TNS3: variants seen among roughly 807,000 people sequenced by gnomAD.
TNS3 encodes the protein tensin 3, also known as tensin-3.
TNS3 carries 45 observed loss-of-function variants against 140.9 expected under a neutral mutation model. The observed-to-expected ratio is 0.32, with a 90% CI of 0.25 to 0.41. The LOEUF is 0.41. TNS3 is among the 10% of genes least tolerant of loss of function. TNS3 has a pLI of 1.00. For synonymous variants in TNS3, 815 were observed against 788.4 expected (o/e 1.03, Z -0.56); for missense variants, 1,716 against 1,906.7 (o/e 0.90, Z 1.86).
chr7:47,388,898 A>G (rs1311396541), intron 16 of TNS3, among the ~76,000 whole-genome samples: 1 of 51,038 alleles, frequency 2.0e-5, no homozygotes, highest in African/African-American at 6.2e-5. Flanking sequence ...AGAAGAAGAA[A>G]GAAGAAGAAG....
chr7:47,308,633 C>A (rs1036534754), intron 20 of TNS3, among the ~76,000 whole-genome samples: 9 of 152,092 alleles, frequency 5.9e-5, no homozygotes, highest in Admixed American at 2.6e-4. Flanking sequence ...ACATTTTTAT[C>A]TTTTTGGGTC....
intron 8 of TNS3, among the ~76,000 whole-genome samples, chr7:47,432,719 G>A (rs1407825493): frequency 6.6e-6 from 1 of 152,234 alleles, no homozygotes; most frequent in Admixed American, 6.5e-5. Context: ...AGCCATGGAT[G>A]TACGTGAACA....
intron 16 of TNS3, among the ~76,000 whole-genome samples, chr7:47,394,206 T>A (rs922966734): frequency 1.3e-5 from 2 of 152,224 alleles, no homozygotes; most frequent in African/African-American, 4.8e-5. Flanking sequence ...AATATTTGTG[T>A]CCCCTAAGAT....
rs140799405 is a variant in TNS3, at chr7:47,389,109, C to CAGAAGAAGAAGAAGAAGAAGAAGAAGA, written c.1024+7664_1024+7690dup. 2.2e-4 allele frequency among the ~76,000 whole-genome samples: 13 copies of CAGAAGAAGAAGAAGAAGAAGAAGAAGA among 59,132 alleles called. 2 individuals carry two copies. The highest frequency in any genetic ancestry group is 8.1e-4 in the African/African-American group (12 of 14,766). The allele number at this position is 59,132 out of a possible 152,430, so 38.8% of individuals were successfully genotyped here. Reference sequence around the variant, plus strand: ...GAGGAAGAGGAAGAGGAAGCGGAAGCAGAAGAAGAAGAAGAAGAAGAAGAA... The same window carrying CAGAAGAAGAAGAAGAAGAAGAAGAAGA: ...GAGGAAGAGGAAGAGGAAGCGGAAGCAGAAGAAGAAGAAGAAGAAGAAGAAGAAGAAGAAGAAGAAGAAGAAGAAGAA... On this transcript the variant is annotated intron_variant, in intron 16 of 30. Coordinates refer to ENST00000311160, the MANE Select transcript of TNS3 (RefSeq NM_022748.12).
chr7:47,435,968 C>T (rs1452743168), intron 7 of TNS3, among the ~76,000 whole-genome samples: 1 of 152,214 alleles, frequency 6.6e-6, no homozygotes, highest in African/African-American at 2.4e-5. Context: ...CAGCTCTGAG[C>T]GTCCTGAGGC....
intron 4 of TNS3, among the ~76,000 whole-genome samples, chr7:47,469,516 G>A (rs1279118623): frequency 6.6e-6 from 1 of 152,182 alleles, no homozygotes; most frequent in East Asian, 1.9e-4. Flanking sequence ...ACTTAAAACA[G>A]AACTACCATT....
chr7:47,294,209 G>A (rs909906429), intron 24 of TNS3, among the ~76,000 whole-genome samples: 1 of 152,182 alleles, frequency 6.6e-6, no homozygotes, highest in African/African-American at 2.4e-5. Context: ...AGGTGAGAAA[G>A]GCTCAGACAC....
chr7:47,527,921 A>AC (rs1475985995), intron 2 of TNS3, among the ~76,000 whole-genome samples: 1 of 152,062 alleles, frequency 6.6e-6, no homozygotes, highest in African/African-American at 2.4e-5. Flanking sequence ...AAAAAAAAAA[A>AC]AAGTTTTGAA....
At chr7:47,279,780 T>C (rs1192946845) in intron 30 of TNS3, 2 of 246,086 alleles carry the variant, frequency 8.1e-6, no homozygotes, top group Non-Finnish European at 1.6e-5. Flanking sequence ...CTCCGTTGCA[T>C]TTGGTAAATT....
chr7:47,304,740 T>C, intron 21 of TNS3, 92 bp downstream of exon 21: 1 of 1,244,142 alleles, frequency 8.0e-7, no homozygotes, highest in Non-Finnish European at 1.0e-6. Flanking sequence ...TCAGCTTCTC[T>C]GAAGAGCAAG....
intron 20 of TNS3, among the ~76,000 whole-genome samples, chr7:47,334,839 C>A (rs1788542134): frequency 6.6e-6 from 1 of 152,104 alleles, no homozygotes; most frequent in Non-Finnish European, 1.5e-5. Context: ...TATCTCTTGA[C>A]CTCATGATCC....
At chr7:47,418,202 T>C (rs1794187483) in intron 10 of TNS3, among the ~76,000 whole-genome samples, 1 of 152,190 alleles carries the variant, frequency 6.6e-6, no homozygotes, top group Non-Finnish European at 1.5e-5. Context: ...CACAGGAAGC[T>C]GAGGCATGAG....
intron 4 of TNS3, among the ~76,000 whole-genome samples, chr7:47,469,672 G>C (rs1343171173): frequency 6.6e-6 from 1 of 152,138 alleles, no homozygotes; most frequent in Non-Finnish European, 1.5e-5. Context: ...GGGTGGACTG[G>C]ATAAAGAAAA....
At chr7:47,571,780 C>T (rs1001253516) in intron 1 of TNS3, among the ~76,000 whole-genome samples, 2 of 152,252 alleles carry the variant, frequency 1.3e-5, no homozygotes, top group African/African-American at 2.4e-5. Context: ...GTCCTGGTCA[C>T]AGACTCACAG....
intron 13 of TNS3, among the ~76,000 whole-genome samples, chr7:47,406,849 G>A (rs1405268984): frequency 2.0e-5 from 3 of 152,164 alleles, no homozygotes; most frequent in African/African-American, 4.8e-5. Context: ...CCTGCAGCAG[G>A]GCACGTCACG....
At chr7:47,331,164 G>A (rs1584416078) in intron 20 of TNS3, among the ~76,000 whole-genome samples, 1 of 152,132 alleles carries the variant, frequency 6.6e-6, no homozygotes, top group East Asian at 1.9e-4. Flanking sequence ...GGCAGTTCTC[G>A]AAGGCCTGGG....
chr7:47,540,744 A>G (rs1799761721), intron 1 of TNS3, among the ~76,000 whole-genome samples: 1 of 152,194 alleles, frequency 6.6e-6, no homozygotes, highest in Non-Finnish European at 1.5e-5. Flanking sequence ...GAGGAGAGGC[A>G]AGGGTGGTAA....
chr7:47,547,089 C>G (rs1023868210), intron 1 of TNS3, among the ~76,000 whole-genome samples: 2 of 152,080 alleles, frequency 1.3e-5, no homozygotes, highest in African/African-American at 4.8e-5. Flanking sequence ...CATTCATTCC[C>G]GAGTTTATAG....
At chr7:47,410,780 A>G (rs1463351395) in intron 13 of TNS3, among the ~76,000 whole-genome samples, 1 of 152,218 alleles carries the variant, frequency 6.6e-6, no homozygotes, top group Non-Finnish European at 1.5e-5. Flanking sequence ...AGGCCATGAA[A>G]TCTTTACATT....
Sources: gnomAD v4.1 joint callset for allele counts (sites outside exome capture counted in the v4.1 genomes callset) on GRCh38, gnomAD v4.1.1 for gene constraint, MANE v1.5 for transcripts, NCBI Gene and HGNC (gene_info 2026-07-23, HGNC 2026-07-21) for gene names.